The following RIMS2 variants were observed in gnomAD, a reference collection of about 807,000 sequenced individuals.
RIMS2 encodes regulating synaptic membrane exocytosis protein 2.
A neutral mutation model predicts 174.4 loss-of-function variants in RIMS2; 59 were observed. The ratio of observed to expected loss-of-function variants is 0.34; its 90% confidence interval spans 0.27 to 0.42. The LOEUF is 0.42. Ranked by LOEUF, RIMS2 falls within the 10% of genes least tolerant of loss-of-function variation. RIMS2 has a pLI of 1.00. For synonymous variants in RIMS2, 606 were observed against 572.5 expected (o/e 1.06, Z -0.84); for missense variants, 1,620 against 1,666.3 (o/e 0.97, Z 0.48).
intron 1 of RIMS2, among the ~76,000 whole-genome samples, chr8:103,599,028 T>C (rs1232731656): frequency 6.6e-6 from 1 of 152,128 alleles, no homozygotes. Context: ...TATTTTCTCC[T>C]CAATTTTTGC....
intron 19 of RIMS2, 30 bp downstream of exon 21, chr8:104,014,645 G>A (rs2095853157): frequency 7.4e-7 from 1 of 1,350,692 alleles, no homozygotes; most frequent in African/African-American, 1.4e-5. Flanking sequence ...GTCTCGTTTA[G>A]GAAATACACA....
At chr8:104,135,051 AT>A (rs1028421980) in intron 19 of RIMS2, among the ~76,000 whole-genome samples, 4 of 152,142 alleles carry the variant, frequency 2.6e-5, no homozygotes, top group African/African-American at 4.8e-5. Context: ...CATAATATGA[AT>A]TTTCCATTAA....
intron 19 of RIMS2, among the ~76,000 whole-genome samples, chr8:104,105,585 T>G (rs891345999): frequency 1.3e-5 from 2 of 152,092 alleles, no homozygotes; most frequent in African/African-American, 4.8e-5. Flanking sequence ...AAAAAAGTTT[T>G]AGGACAGAGT....
At chr8:103,536,255 G>A (rs534192832) in intron 1 of RIMS2, among the ~76,000 whole-genome samples, 80 of 152,132 alleles carry the variant, frequency 5.3e-4, no homozygotes, top group Non-Finnish European at 9.6e-4. Context: ...GCACTTTTGT[G>A]TGTATGGGAC....
At chr8:104,154,933 C>G (rs916301701) in intron 19 of RIMS2, among the ~76,000 whole-genome samples, 1 of 151,240 alleles carries the variant, frequency 6.6e-6, no homozygotes, top group Admixed American at 6.6e-5. Flanking sequence ...ATACACTTCC[C>G]TGGGGAATGG....
chr8:104,090,058 A>G (rs1260481216), intron 19 of RIMS2, among the ~76,000 whole-genome samples: 1 of 143,560 alleles, frequency 7.0e-6, no homozygotes, highest in Non-Finnish European at 1.5e-5. Context: ...ACACATGCAC[A>G]TATATATATT....
At chr8:104,054,283 T>C (rs986288723) in intron 19 of RIMS2, among the ~76,000 whole-genome samples, 2 of 152,152 alleles carry the variant, frequency 1.3e-5, no homozygotes, top group Non-Finnish European at 2.9e-5. Flanking sequence ...TCTAAGGTAA[T>C]GTTACACTAC....
At chr8:103,815,783 G>A (rs1385384657) in intron 3 of RIMS2, among the ~76,000 whole-genome samples, 1 of 152,114 alleles carries the variant, frequency 6.6e-6, no homozygotes, top group African/African-American at 2.4e-5. Flanking sequence ...CCAGTAATTT[G>A]ATTCCTTAAA....
chr8:104,086,083 G>A (rs2097532201), intron 19 of RIMS2, among the ~76,000 whole-genome samples: 1 of 151,870 alleles, frequency 6.6e-6, no homozygotes, highest in African/African-American at 2.4e-5. Flanking sequence ...ATCAGGTTAG[G>A]GAAAACAAAG....
intron 19 of RIMS2, among the ~76,000 whole-genome samples, chr8:104,173,434 A>G (rs2098843542): frequency 6.6e-6 from 1 of 152,046 alleles, no homozygotes; most frequent in Non-Finnish European, 1.5e-5. Flanking sequence ...ATAGGATAAC[A>G]ATGACTCTAT....
chr8:104,152,301 T>G (rs2134146509), intron 19 of RIMS2, among the ~76,000 whole-genome samples: 1 of 152,282 alleles, frequency 6.6e-6, no homozygotes, highest in Admixed American at 6.5e-5. Context: ...ATGGGTACAT[T>G]TTTAATTGTT....
At chr8:103,506,177 AATTG>A (rs1461680735) in intron 1 of RIMS2, among the ~76,000 whole-genome samples, 47 of 152,282 alleles carry the variant, frequency 3.1e-4, no homozygotes, top group Admixed American at 2.9e-3. Flanking sequence ...CATTCTAAAA[AATTG>A]ATTGACATTT....
intron 19 of RIMS2, among the ~76,000 whole-genome samples, chr8:104,155,574 C>T (rs1487397073): frequency 4.1e-5 from 6 of 147,472 alleles, no homozygotes; most frequent in Middle Eastern, 3.8e-3. Context: ...CCACCATGCC[C>T]GGCTAATTTT....
chr8:103,991,626 C>T (rs2094704653), intron 17 of RIMS2, among the ~76,000 whole-genome samples: 1 of 151,912 alleles, frequency 6.6e-6, no homozygotes, highest in East Asian at 1.9e-4. Context: ...AGAGAATTTC[C>T]TTTGAGATAA....
At chr8:103,746,820 A>G (rs1449074859) in intron 2 of RIMS2, among the ~76,000 whole-genome samples, 1 of 152,024 alleles carries the variant, frequency 6.6e-6, no homozygotes, top group African/African-American at 2.4e-5. Context: ...AGCTAGGACT[A>G]CAGGCATGTG....
chr8:103,588,316 C>G (rs1205252440), intron 1 of RIMS2, among the ~76,000 whole-genome samples: 1 of 151,694 alleles, frequency 6.6e-6, no homozygotes, highest in Non-Finnish European at 1.5e-5. Context: ...GTTAAAAGGT[C>G]TACCCAAAAC....
intron 2 of RIMS2, among the ~76,000 whole-genome samples, chr8:103,739,551 A>G (rs915901824): frequency 3.3e-5 from 5 of 152,138 alleles, no homozygotes; most frequent in African/African-American, 7.2e-5. Flanking sequence ...ATAAACTTCA[A>G]TGTTATTTAA....
chr8:104,082,337 T>C (rs1054654022), intron 19 of RIMS2, among the ~76,000 whole-genome samples: 1 of 152,086 alleles, frequency 6.6e-6, no homozygotes, highest in African/African-American at 2.4e-5. Flanking sequence ...ACATAAGTAA[T>C]GATGGTACAA....
At chr8:104,093,379 G>T in intron 19 of RIMS2, 92 bp from the exon 24 acceptor site, 3 of 888,452 alleles carry the variant, frequency 3.4e-6, no homozygotes, top group South Asian at 2.2e-5. Context: ...TTCCTCTGTG[G>T]ACAATTAAAG....
Sources: gnomAD v4.1 joint callset for allele counts (sites outside exome capture counted in the v4.1 genomes callset) on GRCh38, gnomAD v4.1.1 for gene constraint, MANE v1.5 for transcripts, NCBI Gene and HGNC (gene_info 2026-07-23, HGNC 2026-07-21) for gene names.